The following LMAN2L variants were observed in gnomAD, a reference collection of about 807,000 sequenced individuals.
The protein encoded by LMAN2L is VIP36-like protein.
Under a neutral mutation model 44.3 loss-of-function variants are expected in LMAN2L, and 30 were observed. The ratio of observed to expected loss-of-function variants is 0.68; its 90% confidence interval spans 0.51 to 0.92. The LOEUF (loss-of-function observed/expected upper bound fraction) is 0.92. Among genes scored for constraint, LMAN2L ranks in the 40% least tolerant of loss-of-function variants. The probability of loss-of-function intolerance (pLI) is 0.00; values close to 1 mark genes in which losing one functional copy is unlikely to be tolerated. For synonymous variants in LMAN2L, 183 were observed against 171.1 expected (o/e 1.07, Z -0.54); for missense variants, 429 against 446.1 (o/e 0.96, Z 0.35).
chr2:96,727,351 G>T (rs1182345285), intron 4 of LMAN2L, among the ~76,000 whole-genome samples: 1 of 152,166 alleles, frequency 6.6e-6, no homozygotes, highest in Non-Finnish European at 1.5e-5. Context: ...CAGTTGAGGG[G>T]CCGGGTGCGG....
intron 4 of LMAN2L, among the ~76,000 whole-genome samples, chr2:96,718,941 G>A (rs1453449911): frequency 2.6e-5 from 4 of 152,062 alleles, no homozygotes; most frequent in Non-Finnish European, 5.9e-5. Context: ...AGAAACTCAC[G>A]GAATGATCTC....
At chr2:96,731,204 A>G (rs536101017) in intron 4 of LMAN2L, among the ~76,000 whole-genome samples, 2 of 152,306 alleles carry the variant, frequency 1.3e-5, no homozygotes, top group South Asian at 4.1e-4. Context: ...GGACCATGTT[A>G]TCTTGCTCAC....
chr2:96,721,564 A>G (rs1161663170), intron 4 of LMAN2L, among the ~76,000 whole-genome samples: 1 of 151,658 alleles, frequency 6.6e-6, no homozygotes, highest in African/African-American at 2.4e-5. Flanking sequence ...GTGCAGTGGC[A>G]ATCATAGCTC....
At chr2:96,713,232 C>T in intron 4 of LMAN2L, 1 of 1,108,128 alleles carries the variant, frequency 9.0e-7, no homozygotes, top group Non-Finnish European at 1.3e-6. Flanking sequence ...AGAGCTATGA[C>T]CCAGCTGTGA....
intron 4 of LMAN2L, among the ~76,000 whole-genome samples, chr2:96,720,304 G>A (rs1419127032): frequency 6.6e-6 from 1 of 152,070 alleles, no homozygotes; most frequent in Admixed American, 6.6e-5. Flanking sequence ...CTCATTCCAG[G>A]AAGGCCTCTT....
rs374072791 is a variant in LMAN2L, at chr2:96,712,076, G to T, written c.508-51C>A. The T allele has an allele frequency of 2.0e-3, 3,128 of 1,576,448 alleles. 2 individuals carry two copies. Among genetic ancestry groups the T allele is most frequent in the Non-Finnish European group, 2.5e-3 (2,902 of 1,148,342 alleles). ...ACACTAAGGAAGAGCACATAGGAAC[G>T]CCTGTACAAACAGCAACAGGAATTC... On this transcript the variant is annotated intron_variant, in intron 4 of 7. Coordinates refer to ENST00000264963, the MANE Select transcript of LMAN2L (RefSeq NM_030805.4).
At chr2:96,721,535 C>T (rs545192657) in intron 4 of LMAN2L, among the ~76,000 whole-genome samples, 1 of 151,792 alleles carries the variant, frequency 6.6e-6, no homozygotes, top group African/African-American at 2.4e-5. Flanking sequence ...GACAGTCTTG[C>T]TCCATCGCCC....
chr2:96,737,165 C>T (rs1461532013), intron 2 of LMAN2L: 2 of 456,156 alleles, frequency 4.4e-6, no homozygotes, highest in East Asian at 7.0e-5. Flanking sequence ...TGCAGCCACA[C>T]CAGGAATACT....
intron 4 of LMAN2L, among the ~76,000 whole-genome samples, chr2:96,723,580 A>G (rs1247165255): frequency 6.6e-6 from 1 of 152,158 alleles, no homozygotes; most frequent in Non-Finnish European, 1.5e-5. Context: ...TTGGTGTCAC[A>G]TCTAACAACT....
At chr2:96,725,299 T>C (rs1260629494) in intron 4 of LMAN2L, among the ~76,000 whole-genome samples, 3 of 152,108 alleles carry the variant, frequency 2.0e-5, no homozygotes, top group South Asian at 2.1e-4. Flanking sequence ...AAGATCTTGC[T>C]GTGGTGCCCA....
chr2:96,725,309 A>C (rs1257238425), intron 4 of LMAN2L, among the ~76,000 whole-genome samples: 3 of 151,858 alleles, frequency 2.0e-5, no homozygotes, highest in African/African-American at 7.3e-5. Context: ...TGTGGTGCCC[A>C]GGCTCATTTC....
At chr2:96,724,532 G>T (rs1462282310) in intron 4 of LMAN2L, among the ~76,000 whole-genome samples, 1 of 152,046 alleles carries the variant, frequency 6.6e-6, no homozygotes, top group African/African-American at 2.4e-5. Context: ...TTGAGACAGG[G>T]TCTTGCTCTG....
rs576428373 is a variant in LMAN2L, at chr2:96,712,040, G to C, written c.508-15C>G. 3 of 1,613,788 alleles carry C rather than the reference G, an allele frequency of 1.9e-6. No homozygotes were observed. Among genetic ancestry groups the C allele is most frequent in the South Asian group, 2.2e-5 (2 of 91,058 alleles). On this transcript the variant is annotated splice_polypyrimidine_tract_variant and intron_variant, in intron 4 of 7. Transcript: ENST00000264963. The stretch of plus-strand genomic sequence containing the variant: ...GGGAATACCCGCTGGAAAGCAGAGA[G>C]GGGGAAGCAGACACTAAGGAAGAGC...
Position 96,738,053 on chromosome 2 carries a change from T to C in LMAN2L, c.202A>G (p.Ser68Gly), listed in dbSNP as rs1033083504. 3.1e-6 allele frequency: 5 copies of C among 1,613,260 alleles called. No homozygotes were observed. The African/African-American group carries it at 5.3e-5, about 17-fold the overall frequency. ...CCCATCAGATTCCACAGTGAGGAAC[T>C]GCCTGTGCCCACACCTACAGGAAGG... ...SKPYQGVGTG[S>G]SSLWNLMGNA... Residue 68 changes from serine (S) to glycine (G), a missense_variant, in exon 2 of 8, where the codon AGT becomes GGT. Coordinates refer to ENST00000264963, the MANE Select transcript of LMAN2L (RefSeq NM_030805.4).
At chr2:96,724,422 T>G (rs2078224610) in intron 4 of LMAN2L, among the ~76,000 whole-genome samples, 1 of 152,254 alleles carries the variant, frequency 6.6e-6, no homozygotes, top group Non-Finnish European at 1.5e-5. Flanking sequence ...ACTGCTATCT[T>G]AACAATACCA....
At chr2:96,717,742 G>A (rs1056782385) in intron 4 of LMAN2L, among the ~76,000 whole-genome samples, 1 of 151,400 alleles carries the variant, frequency 6.6e-6, no homozygotes, top group African/African-American at 2.4e-5. Context: ...AGGAGGCTGA[G>A]GCAGGAGAAT....
chr2:96,733,722 G>A, intron 3 of LMAN2L, 121 bp from the exon 4 acceptor site: 1 of 750,644 alleles, frequency 1.3e-6, no homozygotes, highest in Non-Finnish European at 2.2e-6. Context: ...CTCTCAAGAT[G>A]AGAAAACACA....
intron 4 of LMAN2L, among the ~76,000 whole-genome samples, chr2:96,724,144 C>T (rs2078219916): frequency 1.3e-5 from 2 of 152,116 alleles, no homozygotes; most frequent in Middle Eastern, 3.4e-3. Context: ...TTAAATGTGA[C>T]GTTTTATTTC....
At chr2:96,710,945 C>G (rs909991974) in intron 6 of LMAN2L, among the ~76,000 whole-genome samples, 7 of 151,994 alleles carry the variant, frequency 4.6e-5, no homozygotes, top group Non-Finnish European at 8.8e-5. Flanking sequence ...AGTGTATAAA[C>G]GAGAAGCTAC....
Sources: allele counts gnomAD v4.1 joint callset (sites outside exome capture counted in the v4.1 genomes callset), GRCh38; gene constraint gnomAD v4.1.1; transcripts MANE v1.5; gene names NCBI Gene and HGNC (gene_info 2026-07-23, HGNC 2026-07-21).